Variants in HECW1 observed in about 807,000 individuals in gnomAD.
HECW1 encodes the protein HECT, C2 and WW domain containing E3 ubiquitin protein ligase 1.
A neutral mutation model predicts 182.3 loss-of-function variants in HECW1; 61 were observed. The ratio of observed to expected loss-of-function variants is 0.33; its 90% CI spans 0.27 to 0.41. The LOEUF is 0.41. Ranked by LOEUF, HECW1 falls within the 10% of genes least tolerant of loss-of-function variation. HECW1 has a pLI of 1.00. For synonymous variants in HECW1, 859 were observed against 832.6 expected, an observed-to-expected ratio of 1.03 and a Z score of -0.55; for missense variants, 1,739 against 2,108.9, an observed-to-expected ratio of 0.82 and a Z score of 3.44.
chr7:43,192,548 CA>C (rs58911917), intron 2 of HECW1, among the ~76,000 whole-genome samples: 12,927 of 151,842 alleles, frequency 0.085, 771 homozygotes, highest in East Asian at 0.27. Context: ...AAAAGTGGTA[CA>C]CTATTGAAGA....
At chr7:43,376,157 A>T (rs1464815011) in intron 6 of HECW1, among the ~76,000 whole-genome samples, 1 of 152,058 alleles carries the variant, frequency 6.6e-6, no homozygotes, top group East Asian at 1.9e-4. Flanking sequence ...GAAACACTAG[A>T]GGTTTTTAGA....
intron 13 of HECW1, among the ~76,000 whole-genome samples, chr7:43,461,870 A>G (rs2077596521): frequency 6.6e-6 from 1 of 152,216 alleles, no homozygotes; most frequent in South Asian, 2.1e-4. Flanking sequence ...AGATAAAATA[A>G]AACTGAAAGA....
At chr7:43,480,029 C>G (rs1307416699) in intron 17 of HECW1, among the ~76,000 whole-genome samples, 1 of 152,158 alleles carries the variant, frequency 6.6e-6, no homozygotes, top group Non-Finnish European at 1.5e-5. Context: ...CAGGAGATCC[C>G]TACACTTATG....
intron 2 of HECW1, among the ~76,000 whole-genome samples, chr7:43,195,632 G>A (rs548367225): frequency 3.3e-5 from 5 of 152,266 alleles, no homozygotes; most frequent in South Asian, 2.1e-4. Context: ...GACTCAAGCC[G>A]ATGTCCAGAC....
intron 2 of HECW1, among the ~76,000 whole-genome samples, chr7:43,180,952 C>G (rs1792796525): frequency 6.6e-6 from 1 of 152,146 alleles, no homozygotes; most frequent in Non-Finnish European, 1.5e-5. Flanking sequence ...TTCCTCCTAT[C>G]TAACTGTAAC....
chr7:43,386,315 C>T (rs1011868897), intron 6 of HECW1, among the ~76,000 whole-genome samples: 1 of 152,222 alleles, frequency 6.6e-6, no homozygotes, highest in African/African-American at 2.4e-5. Context: ...GGCAGGAAAT[C>T]TTGGGGCCCA....
At chr7:43,213,476 C>G (rs576785599) in intron 2 of HECW1, among the ~76,000 whole-genome samples, 1 of 136,736 alleles carries the variant, frequency 7.3e-6, no homozygotes, top group Non-Finnish European at 1.5e-5. Flanking sequence ...GACGGAGTCT[C>G]GCTCTGTCGC....
chr7:43,532,423 A>G (rs1006490108), intron 24 of HECW1, among the ~76,000 whole-genome samples: 1 of 152,162 alleles, frequency 6.6e-6, no homozygotes, highest in African/African-American at 2.4e-5. Flanking sequence ...CAAAGACCCT[A>G]CACGAAACTT....
chr7:43,115,889 C>CA (rs1785004870), intron 2 of HECW1, among the ~76,000 whole-genome samples: 1 of 152,128 alleles, frequency 6.6e-6, no homozygotes, highest in Admixed American at 6.5e-5. Context: ...GTAAATGTGC[C>CA]ACAGTCTCCT....
chr7:43,451,251 T>C (rs1040411528), intron 12 of HECW1, among the ~76,000 whole-genome samples: 2 of 152,218 alleles, frequency 1.3e-5, no homozygotes, highest in Non-Finnish European at 2.9e-5. Context: ...GTCCCAAATT[T>C]TACATTTTAT....
intron 6 of HECW1, among the ~76,000 whole-genome samples, chr7:43,380,201 T>A (rs2074488091): frequency 6.6e-6 from 1 of 152,038 alleles, no homozygotes; most frequent in Admixed American, 6.5e-5. Flanking sequence ...TACAGGCACA[T>A]GCCACCACAC....
intron 3 of HECW1, among the ~76,000 whole-genome samples, chr7:43,307,621 G>A (rs1807746462): frequency 6.6e-6 from 1 of 152,088 alleles, no homozygotes; most frequent in African/African-American, 2.4e-5. Flanking sequence ...TGTGAAGAGA[G>A]AATGATTAAA....
intron 13 of HECW1, among the ~76,000 whole-genome samples, chr7:43,462,744 G>A (rs147318662): frequency 9.9e-5 from 15 of 152,280 alleles, no homozygotes; most frequent in South Asian, 8.3e-4. Flanking sequence ...TCCTGATGCC[G>A]CTGCCAGGCA....
At chr7:43,152,669 C>T (rs979810461) in intron 2 of HECW1, among the ~76,000 whole-genome samples, 1 of 152,062 alleles carries the variant, frequency 6.6e-6, no homozygotes, top group African/African-American at 2.4e-5. Flanking sequence ...CTCTATATTT[C>T]CTGTTAGAAG....
Position 43,243,870 on chromosome 7 carries a change from C to T in HECW1, c.-31-5C>T. On this transcript the variant is annotated splice_polypyrimidine_tract_variant and splice_region_variant and intron_variant, in intron 2 of 29. Coordinates refer to ENST00000395891, the MANE Select transcript of HECW1 (RefSeq NM_015052.5). This position sits in a 1 kb window ranked among gnomAD's most constrained non-coding sequence, Gnocchi z 4.0. ...CTAAGTTAACCTCGTTGGACTTTTCCCCAGGAATTGATGCGCGTACACGTG... is the reference window on the plus strand; with the variant it reads ...CTAAGTTAACCTCGTTGGACTTTTCTCCAGGAATTGATGCGCGTACACGTG... The T allele has an allele frequency of 1.2e-6, 2 of 1,611,666 alleles. No individual in the cohort carries two copies. Among genetic ancestry groups the T allele is most frequent in the Non-Finnish European group, 1.7e-6 (2 of 1,177,874 alleles).
intron 6 of HECW1, among the ~76,000 whole-genome samples, chr7:43,393,397 G>A (rs1292201541): frequency 6.6e-6 from 1 of 152,184 alleles, no homozygotes; most frequent in East Asian, 1.9e-4. Context: ...TGTGAGTATA[G>A]CATATTTCTC....
intron 2 of HECW1, among the ~76,000 whole-genome samples, chr7:43,143,591 C>T (rs115602000): frequency 6.6e-6 from 1 of 152,250 alleles, no homozygotes; most frequent in African/African-American, 2.4e-5. Flanking sequence ...CAGCTGGATG[C>T]CTCCTTTAGA....
At chr7:43,361,120 TGATA>T (rs768074391) in intron 6 of HECW1, 140 bp downstream of exon 6, 1 of 553,474 alleles carries the variant, frequency 1.8e-6, no homozygotes, top group Non-Finnish European at 3.2e-6. Context: ...GGAGATATAC[TGATA>T]GATTGATTAT....
Position 43,541,253 on chromosome 7 carries a change from C to T in HECW1, c.4110C>T (p.Leu1370=). The part of the protein sequence containing the change: ...AFFTRPFYKA[L]LRLPCDLSDL... ...TCACGAGGCCCTTCTACAAGGCACTCCTGAGACTGTAAGTGCTTTGCAGAC... is the reference window on the plus strand; with the variant it reads ...TCACGAGGCCCTTCTACAAGGCACTTCTGAGACTGTAAGTGCTTTGCAGAC... Residue 1370 remains leucine (L), a synonymous_variant, in exon 25 of 30, where the codon CTC becomes CTT. Coordinates refer to ENST00000395891, the MANE Select transcript of HECW1 (RefSeq NM_015052.5). 1 of 1,612,914 alleles carries T rather than the reference C, an allele frequency of 6.2e-7. No individual in the cohort carries two copies. Among genetic ancestry groups the T allele is most frequent in the Non-Finnish European group, 8.5e-7 (1 of 1,178,858 alleles).
Sources: allele counts gnomAD v4.1 joint callset (sites outside exome capture counted in the v4.1 genomes callset), GRCh38; gene constraint gnomAD v4.1.1; non-coding constraint Gnocchi (gnomAD v3.1); transcripts MANE v1.5; gene names NCBI Gene and HGNC (gene_info 2026-07-23, HGNC 2026-07-21).